The following FCN1 variants were observed in gnomAD, a reference collection of about 807,000 sequenced individuals.
FCN1 encodes the protein ficolin 1, also known as ficolin-1.
Under a neutral mutation model 35.6 loss-of-function variants are expected in FCN1, and 42 were observed. The ratio of observed to expected loss-of-function variants is 1.18; its 90% CI spans 0.92 to 1.53. The LOEUF (loss-of-function observed/expected upper bound fraction) is 1.53. Ranked by LOEUF, FCN1 falls within the 40% of genes most tolerant of loss-of-function variation. The pLI, the probability that FCN1 is intolerant of heterozygous loss-of-function variation, is 0.00. For missense variants in FCN1, 439 were observed against 428.4 expected, an observed-to-expected ratio of 1.02 and a Z score of -0.22; for synonymous variants, 179 against 169.8, an observed-to-expected ratio of 1.05 and a Z score of -0.42.
chr9:134,903,949 T>C lies in FCN1; in HGVS notation c.*5849A>G, dbSNP rs1261228840. Among the ~76,000 whole-genome samples, 4 of 152,126 alleles carry C rather than the reference T, an allele frequency of 2.6e-5. No individual in the cohort carries two copies. Among genetic ancestry groups the C allele is most frequent in the African/African-American group, 9.7e-5 (4 of 41,412 alleles). ...CATTATTAGTGAACTGGAATATAGG[T>C]CAGCAGAAAATATCCAGACTGAATG... On this transcript the variant is annotated 3_prime_UTR_variant, in exon 9 of 9. Transcript: ENST00000371806.
rs1368061688 is a variant in FCN1 at position 134,911,170 on chromosome 9, G to A, written c.696C>T (p.Tyr232=). 1 of 1,614,164 alleles carries A rather than the reference G, an allele frequency of 6.2e-7. No homozygotes were observed. The highest frequency in any genetic ancestry group is 1.1e-5 in the South Asian group (1 of 91,078). The part of the protein sequence containing the change: ...SFKVADEAEK[Y]KLVLGAFVGG... ...CGACAAAGGCTCCCAGTACCAGCTT[G>A]TACTTCTCTGCCTCGTCAGCCACCT... Residue 232 remains tyrosine (Y), a synonymous_variant, in exon 8 of 9, where the codon TAC becomes TAT. Coordinates refer to ENST00000371806, the MANE Select transcript of FCN1 (RefSeq NM_002003.5).
rs749575720 is a variant in FCN1, at chr9:134,913,177, G to A, written c.341-34C>T. On this transcript the variant is annotated intron_variant, in intron 5 of 8. Transcript: ENST00000371806. The stretch of plus-strand genomic sequence containing the variant: ...GGAACCCGGGGAATGGCTGCAGGAC[G>A]GGGGCCCTGGGCAGGACAGGGGCAG... 36 of 1,609,170 alleles carry A rather than the reference G, an allele frequency of 2.2e-5. No homozygotes were observed. The East Asian group carries it at 3.3e-4, about 15-fold the overall frequency.
In FCN1 at chr9:134,909,679, G is replaced by T. The variant is rs1188861508; in HGVS notation, c.*119C>A. The T allele has an allele frequency of 2.5e-6, 4 of 1,595,470 alleles. No individual in the cohort carries two copies. Among genetic ancestry groups the T allele is most frequent in the Non-Finnish European group, 3.4e-6 (4 of 1,177,690 alleles). On this transcript the variant is annotated 3_prime_UTR_variant, in exon 9 of 9. Transcript: ENST00000371806. Reference sequence around the variant, plus strand: ...GGCTTGACTGAGCTGGGGGCAAAGGGGCAGCTGTGGGCGTCATGGGAGTGT... The same window carrying T: ...GGCTTGACTGAGCTGGGGGCAAAGGTGCAGCTGTGGGCGTCATGGGAGTGT...
intron 3 of FCN1, 101 bp from the exon 4 acceptor site, chr9:134,914,521 A>C (rs1241933644): frequency 8.2e-7 from 1 of 1,223,182 alleles, no homozygotes; most frequent in African/African-American, 1.5e-5. Flanking sequence ...GCATCTCCCC[A>C]GCCCTGCAGG....
chr9:134,917,704 C>A (rs1831108235), intron 1 of FCN1, 65 bp downstream of exon 1: 1 of 1,036,322 alleles, frequency 9.6e-7, no homozygotes, highest in African/African-American at 1.6e-5. Context: ...GCCTGGGACA[C>A]CCGAGTGTCA....
intron 8 of FCN1, among the ~76,000 whole-genome samples, chr9:134,910,624 G>T (rs1831011615): frequency 6.6e-6 from 1 of 152,188 alleles, no homozygotes; most frequent in African/African-American, 2.4e-5. Context: ...CATTTCCAAG[G>T]CTCCCCTGGG....
At position 134,905,921 on chromosome 9, in the gene FCN1, T is replaced by TTCTTCTTCC. The variant is rs1830951078; in HGVS notation, c.*3876_*3877insGGAAGAAGA. 2 of 69,002 alleles carry TTCTTCTTCC rather than the reference T, an allele frequency of 2.9e-5. No individual in the cohort carries two copies. Among genetic ancestry groups the TTCTTCTTCC allele is most frequent in the Non-Finnish European group, 5.0e-5 (2 of 40,130 alleles). 4.3% of individuals were successfully genotyped at this position (69,002 alleles called of 1,614,324 possible). Reference sequence around the variant, plus strand: ...CTTCTTCTTCTTCTTCTTCTTCTTCTTCTCCCTCTCCCTCTCCCTCTCCCT... The same window carrying TTCTTCTTCC: ...CTTCTTCTTCTTCTTCTTCTTCTTCTTCTTCTTCCTCTCCCTCTCCCTCTCCCTCTCCCT... On this transcript the variant is annotated 3_prime_UTR_variant, in exon 9 of 9. Coordinates refer to ENST00000371806, the MANE Select transcript of FCN1 (RefSeq NM_002003.5).
Position 134,905,037 on chromosome 9 carries a change from T to C in FCN1, c.*4761A>G, listed in dbSNP as rs532403991. 1.3e-5 allele frequency among the ~76,000 whole-genome samples: 2 copies of C among 152,116 alleles called. No individual in the cohort carries two copies. Among genetic ancestry groups the C allele is most frequent in the East Asian group, 3.9e-4 (2 of 5,176 alleles). On this transcript the variant is annotated 3_prime_UTR_variant, in exon 9 of 9. Coordinates refer to ENST00000371806, the MANE Select transcript of FCN1 (RefSeq NM_002003.5). ...AGAAGGGAGTGAATGTAGTTAGAGG[T>C]GTTTCAAAGTCTTCATTGGTAAAGT...
chr9:134,914,334 C>T (rs1176553261), intron 4 of FCN1, 51 bp downstream of exon 4: 13 of 1,566,818 alleles, frequency 8.3e-6, no homozygotes, highest in South Asian at 1.1e-5. Flanking sequence ...TGAGACCCCT[C>T]CCCTGGACAA....
chr9:134,909,036 G>T lies in FCN1; in HGVS notation c.*762C>A. On this transcript the variant is annotated 3_prime_UTR_variant, in exon 9 of 9. Transcript: ENST00000371806. ...CTCCCCTGGCCTGGGAGCTGGAGAA[G>T]CCCCTTCTCCATCATCTCCTAGAAG... 1.3e-5 allele frequency: 5 copies of T among 380,924 alleles called. 1 individual carries two copies. Among genetic ancestry groups the T allele is most frequent in the South Asian group, 1.1e-4 (5 of 47,034 alleles). 23.6% of individuals were successfully genotyped at this position (380,924 alleles called of 1,614,324 possible).
intron 7 of FCN1, among the ~76,000 whole-genome samples, chr9:134,911,696 G>GA (rs1286962055): frequency 1.3e-5 from 2 of 152,024 alleles, no homozygotes; most frequent in African/African-American, 2.4e-5. Context: ...TGGCATCCAG[G>GA]AAAAAAATCA....
rs762528042 is a variant in FCN1 at position 134,912,614 on chromosome 9, A to G, written c.470T>C (p.Val157Ala). 6.2e-7 allele frequency: 1 copy of G among 1,613,934 alleles called. No individual in the cohort carries two copies. ...AGAGCCATCCATCCTCCGCTGGAAA[A>G]CCTGTGAAGAAGCCAGGATACAGAG... ...DMDTDGGGWT[V>A]FQRRMDGSVD... is the part of the protein sequence containing the mutation. The change falls in exon 7 of 9, where the codon GTT becomes GCT. Residue 157 changes from valine (V) to alanine (A), a missense_variant and splice_region_variant. By Grantham distance (64) the Val-to-Ala change is moderately conservative (BLOSUM62 0). Transcript: ENST00000371806.
chr9:134,909,350 G>C lies in FCN1; in HGVS notation c.*448C>G, dbSNP rs1830991645. On this transcript the variant is annotated 3_prime_UTR_variant, in exon 9 of 9. Transcript: ENST00000371806. Reference sequence around the variant, plus strand: ...TGAAGTGTTGTGAGTGAGGCATGGGGGGATGGGGGAGGCTTGGGGGTGGAG... The same window carrying C: ...TGAAGTGTTGTGAGTGAGGCATGGGCGGATGGGGGAGGCTTGGGGGTGGAG... 7.8e-7 allele frequency: 1 copy of C among 1,289,362 alleles called. No homozygotes were observed. Among genetic ancestry groups the C allele is most frequent in the African/African-American group, 1.5e-5 (1 of 65,800 alleles). The allele number at this position is 1,289,362 out of a possible 1,614,324, so 79.9% of individuals were successfully genotyped here.
chr9:134,910,731 C>G (rs913908733), intron 8 of FCN1, among the ~76,000 whole-genome samples: 3 of 152,206 alleles, frequency 2.0e-5, no homozygotes, highest in Non-Finnish European at 4.4e-5. Flanking sequence ...ATTCCCTAAG[C>G]AGACGCCCTG....
At position 134,909,338 on chromosome 9, in the gene FCN1, G is replaced by T; in HGVS notation, c.*460C>A. The T allele has an allele frequency of 7.8e-7, 1 of 1,289,570 alleles. No homozygotes were observed. Among genetic ancestry groups the T allele is most frequent in the Non-Finnish European group, 1.0e-6 (1 of 988,856 alleles). 79.9% of individuals were successfully genotyped at this position (1,289,570 alleles called of 1,614,324 possible). A position where few individuals can be genotyped will look rare whatever the true frequency, so the allele number is the denominator to read the frequency against. ...TTTCAAGAAGTGTGAAGTGTTGTGA[G>T]TGAGGCATGGGGGGATGGGGGAGGC... On this transcript the variant is annotated 3_prime_UTR_variant, in exon 9 of 9. Transcript: ENST00000371806.
chr9:134,903,609 T>TA lies in FCN1; in HGVS notation c.*6188dup, dbSNP rs929420129. 6.6e-5 allele frequency among the ~76,000 whole-genome samples: 10 copies of TA among 151,234 alleles called. No homozygotes were observed. Among genetic ancestry groups the TA allele is most frequent in the Admixed American group, 1.3e-4 (2 of 15,168 alleles). On this transcript the variant is annotated 3_prime_UTR_variant, in exon 9 of 9. Transcript: ENST00000371806. The stretch of plus-strand genomic sequence containing the variant: ...AAATTATACCTCAAAAAATCTGACT[T>TA]AAAAAAAAATCCTCTCTGCCTTCCT...
At position 134,903,868 on chromosome 9, in the gene FCN1, A is replaced by G. The variant is rs1317483815; in HGVS notation, c.*5930T>C. On this transcript the variant is annotated 3_prime_UTR_variant, in exon 9 of 9. Coordinates refer to ENST00000371806, the MANE Select transcript of FCN1 (RefSeq NM_002003.5). ...CTACACTGGCTATTCTATAACTGAA[A>G]TTAATAACTCAATCAATGGTTTTCT... is the stretch of plus-strand genomic sequence containing the variant. Among the ~76,000 whole-genome samples, 1 of 152,234 alleles carries G rather than the reference A, an allele frequency of 6.6e-6. No individual in the cohort carries two copies. The highest frequency in any genetic ancestry group is 1.5e-5 in the Non-Finnish European group (1 of 68,050).
chr9:134,917,746 C>G (rs1316058950), intron 1 of FCN1, 23 bp downstream of exon 1: 1 of 1,557,794 alleles, frequency 6.4e-7, no homozygotes, highest in Non-Finnish European at 8.9e-7. Context: ...TTTTAGGGAC[C>G]AGAAAACCCA....
At position 134,907,608 on chromosome 9, in the gene FCN1, A is replaced by AT. The variant is rs997390697; in HGVS notation, c.*2189dup. On this transcript the variant is annotated 3_prime_UTR_variant, in exon 9 of 9. Transcript: ENST00000371806. Reference sequence around the variant, plus strand: ...CACCCTCAAATACAATCACTTTCTTATTTTTCCTGTATACATTTACCACCT... The same window carrying AT: ...CACCCTCAAATACAATCACTTTCTTATTTTTTCCTGTATACATTTACCACCT... The AT allele has an allele frequency of 5.3e-5, 8 of 151,900 alleles. No homozygotes were observed. The highest frequency in any genetic ancestry group is 2.1e-4 in the South Asian group (1 of 4,822). The allele number at this position is 151,900 out of a possible 1,614,324, so 9.4% of individuals were successfully genotyped here. A position where few individuals can be genotyped will look rare whatever the true frequency, so the allele number is the denominator to read the frequency against.
Sources: allele counts gnomAD v4.1 joint callset (sites outside exome capture counted in the v4.1 genomes callset), GRCh38; gene constraint gnomAD v4.1.1; transcripts MANE v1.5; gene names NCBI Gene and HGNC (gene_info 2026-07-23, HGNC 2026-07-21).